The following ERG variants were observed in gnomAD, a reference collection of about 807,000 sequenced individuals.
ERG encodes transcriptional regulator ERG.
ERG carries 9 observed loss-of-function variants against 55.3 expected under a neutral mutation model. The ratio of observed to expected loss-of-function variants is 0.16; its 90% CI spans 0.10 to 0.28. The LOEUF (loss-of-function observed/expected upper bound fraction) is 0.28. ERG is among the 10% of genes least tolerant of loss of function. The probability of loss-of-function intolerance (pLI) is 1.00; values close to 1 mark genes in which losing one functional copy is unlikely to be tolerated. For missense variants in ERG, 434 were observed against 631.6 expected (o/e 0.69, Z 3.35); for synonymous variants, 223 against 237.3 (o/e 0.94, Z 0.55).
chr21:38,418,383 C>A (rs1433526251), intron 3 of ERG, among the ~76,000 whole-genome samples: 1 of 151,602 alleles, frequency 6.6e-6, no homozygotes, highest in African/African-American at 2.4e-5. Context: ...AACTTCTGGG[C>A]TCAAAGAATC....
At chr21:38,428,737 T>A (rs1989962453) in intron 2 of ERG, among the ~76,000 whole-genome samples, 1 of 152,210 alleles carries the variant, frequency 6.6e-6, no homozygotes, top group East Asian at 1.9e-4. Flanking sequence ...CTCAGGCTAT[T>A]CAGCAGGTGC....
intron 1 of ERG, among the ~76,000 whole-genome samples, chr21:38,620,354 T>A (rs1473083026): frequency 6.6e-6 from 1 of 152,118 alleles, no homozygotes; most frequent in Non-Finnish European, 1.5e-5. Flanking sequence ...AATTCAACCC[T>A]CCTACTCATG....
At chr21:38,458,218 G>A (rs1381204702) in intron 1 of ERG, among the ~76,000 whole-genome samples, 1 of 152,138 alleles carries the variant, frequency 6.6e-6, no homozygotes, top group Non-Finnish European at 1.5e-5. Context: ...GAGGTCAGGA[G>A]TTCGAGACCA....
chr21:38,398,859 C>T (rs1488584546), intron 6 of ERG, among the ~76,000 whole-genome samples: 2 of 152,294 alleles, frequency 1.3e-5, no homozygotes, highest in Admixed American at 1.3e-4. Context: ...CAACCCCTGG[C>T]TTTGCAACTC....
At position 38,494,164 on chromosome 21, in the gene ERG, A is replaced by C. The variant is rs143324683; in HGVS notation, c.18+4199T>G. ...GGCCACGTAAGGTGAGAGAAGCGCT[A>C]TCAGGGGTGGTCTGACAGAATCCCC... On this transcript the variant is annotated intron_variant, in intron 1 of 9. Transcript: ENST00000288319. Among the ~76,000 whole-genome samples, 262 of 152,322 alleles carry C rather than the reference A, an allele frequency of 1.7e-3. 2 individuals carry two copies. Among genetic ancestry groups the C allele is most frequent in the Middle Eastern group, 0.014 (4 of 294 alleles).
chr21:38,374,608 C>T, the ERG span, among the ~76,000 whole-genome samples: 40 of 152,158 alleles, frequency 2.6e-4, no homozygotes, highest in African/African-American at 9.7e-4. Flanking sequence ...AACTCTCAGG[C>T]CTTCCAAGAG....
At chr21:38,410,973 T>G (rs940839292) in intron 3 of ERG, among the ~76,000 whole-genome samples, 2 of 152,108 alleles carry the variant, frequency 1.3e-5, no homozygotes, top group African/African-American at 4.8e-5. Flanking sequence ...ATCACAAGCC[T>G]AGTGAGGTGT....
Position 38,382,054 on chromosome 21 carries a change from T to A in ERG, c.*1349A>T. On this transcript the variant is annotated 3_prime_UTR_variant, in exon 10 of 10. Transcript: ENST00000288319. ...CTGATTTGCCATGCTAGGCCAAGCT[T>A]ATTTTATTACATACATTCTGCATTC... 9.4e-7 allele frequency: 1 copy of A among 1,059,468 alleles called. No homozygotes were observed. The highest frequency in any genetic ancestry group is 1.6e-5 in the African/African-American group (1 of 60,854). The allele number at this position is 1,059,468 out of a possible 1,614,324, so 65.6% of individuals were successfully genotyped here.
intron 1 of ERG, among the ~76,000 whole-genome samples, chr21:38,454,608 T>C (rs908337428): frequency 1.3e-5 from 2 of 152,184 alleles, no homozygotes; most frequent in African/African-American, 4.8e-5. Context: ...GGCCAAATAA[T>C]CTAGTGTGTG....
Position 38,539,893 on chromosome 21 carries a change from ATTT to A in ERG, c.-41+35766_-41+35768del, listed in dbSNP as rs11338575. ...TATAAAACAGCGTCTCCAACACGTGATTTTTTTTTTTTTTTTTTTTTGAGACAG... is the reference window on the plus strand; with the variant it reads ...TATAAAACAGCGTCTCCAACACGTGATTTTTTTTTTTTTTTTTTGAGACAG... On this transcript the variant is annotated intron_variant, in intron 2 of 8. Transcript: ENST00000398897. Among the ~76,000 whole-genome samples the A allele has an allele frequency of 7.6e-4, 90 of 118,958 alleles. No individual in the cohort carries two copies. In the South Asian group the frequency reaches 0.012, roughly 16 times the overall value. 78.0% of individuals were successfully genotyped at this position (118,958 alleles called of 152,430 possible).
chr21:38,381,059 T>C lies in ERG; in HGVS notation c.*2344A>G, dbSNP rs1987409022. On this transcript the variant is annotated 3_prime_UTR_variant, in exon 10 of 10. Coordinates refer to ENST00000288319, the MANE Select transcript of ERG (RefSeq NM_182918.4). ...TGGGCCTTCCCAGGCTGCTGCAAAA[T>C]GATGGATGGTTGGGCTCCGTCTAAT... 1 of 1,064,576 alleles carries C rather than the reference T, an allele frequency of 9.4e-7. No individual in the cohort carries two copies. The highest frequency in any genetic ancestry group is 1.6e-5 in the African/African-American group (1 of 60,984). 65.9% of individuals were successfully genotyped at this position (1,064,576 alleles called of 1,614,324 possible). A position where few individuals can be genotyped will look rare whatever the true frequency, so the allele number is the denominator to read the frequency against.
chr21:38,528,304 G>A (rs1169643535), intron 2 of ERG, among the ~76,000 whole-genome samples: 1 of 152,146 alleles, frequency 6.6e-6, no homozygotes, highest in Non-Finnish European at 1.5e-5. Context: ...AGCCAGGCAT[G>A]GTGGTGGGCA....
intron 9 of ERG, among the ~76,000 whole-genome samples, chr21:38,387,995 C>G (rs1357988391): frequency 3.3e-5 from 5 of 152,242 alleles, no homozygotes; most frequent in Admixed American, 6.5e-5. Flanking sequence ...TTTATGCACA[C>G]CTCTGTAGCC....
intron 2 of ERG, among the ~76,000 whole-genome samples, chr21:38,445,137 T>C (rs1018720402): frequency 4.2e-5 from 6 of 142,808 alleles, no homozygotes; most frequent in African/African-American, 1.6e-4. Flanking sequence ...TCTTTCTTCT[T>C]CTTTTTTTTT....
At chr21:38,575,669 T>A (rs372043917) in exon 2 of ERG, 14 of 1,613,864 alleles carry the variant, frequency 8.7e-6, no homozygotes, top group Non-Finnish European at 1.2e-5. Context: ...TACCTTGATA[T>A]GAGCTGCTGG....
intron 1 of ERG, among the ~76,000 whole-genome samples, chr21:38,592,606 T>TGC (rs2060107821): frequency 1.4e-5 from 2 of 147,110 alleles, no homozygotes. Context: ...TGTGTGTGTG[T>TGC]GCTTTTCCTA....
intron 1 of ERG, among the ~76,000 whole-genome samples, chr21:38,473,159 CAAA>C (rs33994175): frequency 2.3e-3 from 249 of 105,976 alleles, no homozygotes; most frequent in African/African-American, 3.7e-3. Flanking sequence ...AGGATGCGCT[CAAA>C]AAAAAAAAAA....
intron 2 of ERG, among the ~76,000 whole-genome samples, chr21:38,544,843 G>T (rs2059777768): frequency 6.6e-6 from 1 of 151,850 alleles, no homozygotes; most frequent in Admixed American, 6.6e-5. Context: ...CTCCTTCTTT[G>T]ACTCATCCTA....
chr21:38,583,329 A>C (rs9305654), intron 1 of ERG, among the ~76,000 whole-genome samples: 1 of 152,134 alleles, frequency 6.6e-6, no homozygotes, highest in East Asian at 1.9e-4. Context: ...TCTCCCTCTC[A>C]GGCTCATGCA....
Sources: gnomAD v4.1 joint callset for allele counts (sites outside exome capture counted in the v4.1 genomes callset) on GRCh38, gnomAD v4.1.1 for gene constraint, MANE v1.5 for transcripts, NCBI Gene and HGNC (gene_info 2026-07-23, HGNC 2026-07-21) for gene names.